Variants in LRRC58 observed in about 807,000 individuals in gnomAD.
LRRC58 encodes leucine rich repeat containing 58.
In LRRC58, 18 loss-of-function variants were observed where a neutral mutation model predicts 30.6. That is an observed-to-expected ratio of 0.59 (90% CI 0.41 to 0.87). LRRC58 has a LOEUF of 0.87. LRRC58 is among the 40% of genes least tolerant of loss of function. The pLI, the probability that LRRC58 is intolerant of heterozygous loss-of-function variation, is 0.00. For synonymous variants in LRRC58, 221 were observed against 206.0 expected (o/e 1.07, Z -0.62); for missense variants, 420 against 468.4 (o/e 0.90, Z 0.95).
Position 120,349,008 on chromosome 3 carries a change from G to C in LRRC58, c.236C>G (p.Ala79Gly). ...HLQLLDVSGN[A>G]LTALGPELLA... ...CAGCTCCGGCCCGAGCGCGGTCAAC[G>C]CGTTGCCGCTCACGTCCAGCAGCTG... Residue 79 changes from alanine (A) to glycine (G), a missense_variant, in exon 1 of 4, where the codon GCG becomes GGG. By Grantham distance (60) the Ala-to-Gly change is moderately conservative. This residue lies in a region of LRRC58 where 266 missense variants were observed against 251.7 expected (regional missense o/e 1.06). Coordinates refer to ENST00000295628, the MANE Select transcript of LRRC58 (RefSeq NM_001099678.2). The C allele has an allele frequency of 6.6e-7, 1 of 1,521,178 alleles. No individual in the cohort carries two copies. The highest frequency in any genetic ancestry group is 8.8e-7 in the Non-Finnish European group (1 of 1,141,556). The allele number at this position is 1,521,178 out of a possible 1,614,324, so 94.2% of individuals were successfully genotyped here.
intron 1 of LRRC58, among the ~76,000 whole-genome samples, chr3:120,344,757 TTAAA>T (rs371830097): frequency 1.4e-4 from 21 of 152,246 alleles, no homozygotes; most frequent in African/African-American, 4.6e-4. Flanking sequence ...TTTTGTTTAC[TTAAA>T]TAAAGTCTAT....
chr3:120,341,782 A>C (rs1935907506), intron 1 of LRRC58, among the ~76,000 whole-genome samples: 1 of 151,916 alleles, frequency 6.6e-6, no homozygotes, highest in Non-Finnish European at 1.5e-5. Flanking sequence ...CCCCAGGTGC[A>C]GCTGTGGTGG....
rs1935676916 is a variant in LRRC58 at position 120,326,586 on chromosome 3, A to G, written c.*4614T>C. On this transcript the variant is annotated 3_prime_UTR_variant, in exon 4 of 4. Coordinates refer to ENST00000295628, the MANE Select transcript of LRRC58 (RefSeq NM_001099678.2). ...GTATTATAGGTCACATTGAATAAAA[A>G]TCTATACAATAGCTTTTACTATTGT... 1 of 152,236 alleles carries G rather than the reference A, an allele frequency of 6.6e-6. No homozygotes were observed. Among genetic ancestry groups the G allele is most frequent in the African/African-American group, 2.4e-5 (1 of 41,470 alleles). The allele number at this position is 152,236 out of a possible 1,614,324, so 9.4% of individuals were successfully genotyped here.
Position 120,349,027 on chromosome 3 carries a change from G to A in LRRC58, c.217C>T (p.Leu73=), listed in dbSNP as rs1416811395. The change falls in exon 1 of 4, where the codon CTG becomes TTG. Residue 73 remains leucine (L), a synonymous_variant. Transcript: ENST00000295628. ...LGSGFPHLQL[L]DVSGNALTAL... ...GTCAACGCGTTGCCGCTCACGTCCA[G>A]CAGCTGGAGGTGCGGGAAGCCGCTG... 1.1e-5 allele frequency: 17 copies of A among 1,518,578 alleles called. No homozygotes were observed. The highest frequency in any genetic ancestry group is 1.2e-5 in the Non-Finnish European group (14 of 1,140,866). 94.1% of individuals were successfully genotyped at this position (1,518,578 alleles called of 1,614,324 possible).
At position 120,329,720 on chromosome 3, in the gene LRRC58, A is replaced by AC. The variant is rs1935728151; in HGVS notation, c.*1479dup. On this transcript the variant is annotated 3_prime_UTR_variant, in exon 4 of 4. Transcript: ENST00000295628. ...ATGAATGCCAGAAATCAGAAAAGGT[A>AC]CACCTGATGTTCTAATGCCTATCTG... is the stretch of plus-strand genomic sequence containing the variant. 1 of 151,866 alleles carries AC rather than the reference A, an allele frequency of 6.6e-6. No individual in the cohort carries two copies. Among genetic ancestry groups the AC allele is most frequent in the African/African-American group, 2.4e-5 (1 of 41,384 alleles). The allele number at this position is 151,866 out of a possible 1,614,324, so 9.4% of individuals were successfully genotyped here.
Position 120,343,588 on chromosome 3 carries a change from C to A in LRRC58, c.500+5156G>T, listed in dbSNP as rs1006338403. ...TAAAATTGTCTCTTGAAAAATGAAT[C>A]ACGTTTCCAATCCTTAGGGATACTG... is the stretch of plus-strand genomic sequence containing the variant. On this transcript the variant is annotated intron_variant, in intron 1 of 3. Transcript: ENST00000295628. 1.2e-4 allele frequency among the ~76,000 whole-genome samples: 19 copies of A among 152,164 alleles called. 1 individual carries two copies. The highest frequency in any genetic ancestry group is 3.6e-4 in the African/African-American group (15 of 41,442).
Position 120,330,339 on chromosome 3 carries a change from T to G in LRRC58, c.*861A>C, listed in dbSNP as rs948065374. 3 of 152,132 alleles carry G rather than the reference T, an allele frequency of 2.0e-5. No individual in the cohort carries two copies. The highest frequency in any genetic ancestry group is 1.3e-4 in the Admixed American group (2 of 15,270). 9.4% of individuals were successfully genotyped at this position (152,132 alleles called of 1,614,324 possible). On this transcript the variant is annotated 3_prime_UTR_variant, in exon 4 of 4. Coordinates refer to ENST00000295628, the MANE Select transcript of LRRC58 (RefSeq NM_001099678.2). Reference sequence around the variant, plus strand: ...AAGTAATGTGCTTATAAGGGATGAGTGCACATTTAAACAAAAAAATGTTAA... The same window carrying G: ...AAGTAATGTGCTTATAAGGGATGAGGGCACATTTAAACAAAAAAATGTTAA...
intron 1 of LRRC58, among the ~76,000 whole-genome samples, chr3:120,339,079 T>C (rs1249125675): frequency 6.6e-6 from 1 of 152,250 alleles, no homozygotes; most frequent in Non-Finnish European, 1.5e-5. Context: ...GATTGATATG[T>C]TCGGACTTGT....
At chr3:120,347,460 C>T (rs1035616596) in intron 1 of LRRC58, among the ~76,000 whole-genome samples, 31 of 137,124 alleles carry the variant, frequency 2.3e-4, no homozygotes, top group Admixed American at 2.0e-3. Flanking sequence ...GGCGCAATCT[C>T]GGCTCACTGC....
intron 1 of LRRC58, among the ~76,000 whole-genome samples, chr3:120,336,156 T>C (rs1935832481): frequency 6.6e-6 from 1 of 152,056 alleles, no homozygotes; most frequent in South Asian, 2.1e-4. Flanking sequence ...CAGACCAATG[T>C]TAGATAACAT....
chr3:120,348,749 C>A lies in LRRC58; in HGVS notation c.495G>T (p.Leu165Phe). The stretch of plus-strand genomic sequence containing the variant: ...TCCGGCACACACCCGCTCACCTCTG[C>A]AAGTTCTCGATCTCAGCCGGGATGC... ...LQSIPAEIEN[L>F]QSLECLYLGG... Residue 165 changes from leucine to phenylalanine, a missense_variant, in exon 1 of 4, where the codon TTG becomes TTT. Leu to Phe is a conservative substitution (Grantham distance 22). This residue lies in a region of LRRC58 where 266 missense variants were observed against 251.7 expected (regional missense o/e 1.06). Transcript: ENST00000295628. 1 of 1,581,670 alleles carries A rather than the reference C, an allele frequency of 6.3e-7. No homozygotes were observed. The highest frequency in any genetic ancestry group is 1.2e-5 in the South Asian group (1 of 86,634).
intron 1 of LRRC58, among the ~76,000 whole-genome samples, chr3:120,346,059 C>G (rs951272622): frequency 6.6e-6 from 1 of 152,066 alleles, no homozygotes; most frequent in African/African-American, 2.4e-5. Flanking sequence ...TTGAGACCAG[C>G]CTGGCCTGGC....
chr3:120,335,928 T>C lies in LRRC58; in HGVS notation c.526A>G (p.Asn176Asp). 1 of 1,592,130 alleles carries C rather than the reference T, an allele frequency of 6.3e-7. No homozygotes were observed. The highest frequency in any genetic ancestry group is 8.6e-7 in the Non-Finnish European group (1 of 1,161,102). The change falls in exon 2 of 4, where the codon AAT becomes GAT. Residue 176 changes from asparagine (N) to aspartate (D), a missense_variant. This residue lies in a region of LRRC58 where 266 missense variants were observed against 251.7 expected (regional missense o/e 1.06). Transcript: ENST00000295628. The part of the protein sequence containing the change: ...QSLECLYLGG[N>D]FIKEIPPELG... Reference sequence around the variant, plus strand: ...TCTGGTGGGATTTCTTTAATGAAATTTCCTCCAAGATATAAACACTCTAAA... The same window carrying C: ...TCTGGTGGGATTTCTTTAATGAAATCTCCTCCAAGATATAAACACTCTAAA...
chr3:120,330,658 C>A lies in LRRC58; in HGVS notation c.*542G>T, dbSNP rs866310363. Reference sequence around the variant, plus strand: ...TGTCAGAAAGGTTTGTCCCATGTAACCATCTGTGAGCTTCTTTGAATAGTT... The same window carrying A: ...TGTCAGAAAGGTTTGTCCCATGTAAACATCTGTGAGCTTCTTTGAATAGTT... On this transcript the variant is annotated 3_prime_UTR_variant, in exon 4 of 4. Coordinates refer to ENST00000295628, the MANE Select transcript of LRRC58 (RefSeq NM_001099678.2). 6.6e-6 allele frequency: 1 copy of A among 152,570 alleles called. No homozygotes were observed. Among genetic ancestry groups the A allele is most frequent in the South Asian group, 2.1e-4 (1 of 4,838 alleles). The allele number at this position is 152,570 out of a possible 1,614,324, so 9.5% of individuals were successfully genotyped here.
chr3:120,346,012 G>A (rs561186812), intron 1 of LRRC58, among the ~76,000 whole-genome samples: 1 of 152,288 alleles, frequency 6.6e-6, no homozygotes, highest in African/African-American at 2.4e-5. Context: ...CAACACTTTG[G>A]GAGGCAGAGG....
rs968481045 is a variant in LRRC58 at position 120,349,338 on chromosome 3, A to T, written c.-95T>A. On this transcript the variant is annotated 5_prime_UTR_variant, in exon 1 of 4. Coordinates refer to ENST00000295628, the MANE Select transcript of LRRC58 (RefSeq NM_001099678.2). Reference sequence around the variant, plus strand: ...CTGCGGCGCCCCGGAACCTGAACCGAGGGCTGAGTCGGAAGTGGCGCGGGC... The same window carrying T: ...CTGCGGCGCCCCGGAACCTGAACCGTGGGCTGAGTCGGAAGTGGCGCGGGC... 3.7e-4 allele frequency: 467 copies of T among 1,252,862 alleles called. 1 individual carries two copies. The African/African-American group carries it at 6.2e-3, about 17-fold the overall frequency. The allele number at this position is 1,252,862 out of a possible 1,614,324, so 77.6% of individuals were successfully genotyped here.
chr3:120,334,119 T>G (rs1329287573), intron 3 of LRRC58, among the ~76,000 whole-genome samples: 2 of 152,200 alleles, frequency 1.3e-5, no homozygotes, highest in Admixed American at 6.5e-5. Flanking sequence ...TTGGGTACAT[T>G]CTGTAACTGG....
At chr3:120,340,959 A>C (rs1935897816) in intron 1 of LRRC58, among the ~76,000 whole-genome samples, 1 of 152,208 alleles carries the variant, frequency 6.6e-6, no homozygotes, top group Non-Finnish European at 1.5e-5. Context: ...TGATCGTGTA[A>C]AGCTTTTCAA....
In LRRC58 at chr3:120,348,834, G is replaced by A. The variant is rs1373513566; in HGVS notation, c.410C>T (p.Ala137Val). Residue 137 changes from alanine (A) to valine (V), a missense_variant, in exon 1 of 4, where the codon GCC becomes GTC. Ala to Val is a moderately conservative substitution (Grantham distance 64). Around this residue, in one of 2 missense-constraint regions of LRRC58, gnomAD observed 266 missense variants for 251.7 expected, o/e 1.06. Coordinates refer to ENST00000295628, the MANE Select transcript of LRRC58 (RefSeq NM_001099678.2). ...LSGNCFQEVP[A>V]SLLELRALQT... ...CAGCGCGCGCAGCTCTAAGAGCGAG[G>A]CAGGCACCTCCTGGAAACAGTTGCC... 6.2e-7 allele frequency: 1 copy of A among 1,605,848 alleles called. No individual in the cohort carries two copies. The highest frequency in any genetic ancestry group is 1.7e-5 in the Admixed American group (1 of 59,024).
Sources: allele counts gnomAD v4.1 joint callset (sites outside exome capture counted in the v4.1 genomes callset), GRCh38; gene constraint gnomAD v4.1.1; regional missense constraint gnomAD v4.1.1; transcripts MANE v1.5; gene names NCBI Gene and HGNC (gene_info 2026-07-23, HGNC 2026-07-21).